The following UGGT2 variants were observed in gnomAD, a reference collection of about 807,000 sequenced individuals.
The protein encoded by UGGT2 is UDP-glucose glycoprotein glucosyltransferase 2.
A neutral mutation model predicts 192.1 loss-of-function variants in UGGT2; 180 were observed. The ratio of observed to expected loss-of-function variants is 0.94; its 90% CI spans 0.83 to 1.06. The LOEUF (loss-of-function observed/expected upper bound fraction) is 1.06. Among genes scored for constraint, UGGT2 ranks in the 50% least tolerant of loss-of-function variants. The pLI is 0.00. For synonymous variants in UGGT2, 580 were observed against 591.0 expected (o/e 0.98, Z 0.27); for missense variants, 1,849 against 1,795.7 (o/e 1.03, Z -0.54).
intron 38 of UGGT2, among the ~76,000 whole-genome samples, chr13:95,807,030 T>C (rs566276610): frequency 2.0e-5 from 3 of 152,248 alleles, no homozygotes; most frequent in East Asian, 1.9e-4. Context: ...CCTGCACAGT[T>C]GAAAATCCAC....
chr13:95,941,545 G>A (rs2049680122), intron 15 of UGGT2, among the ~76,000 whole-genome samples: 1 of 152,058 alleles, frequency 6.6e-6, no homozygotes, highest in Non-Finnish European at 1.5e-5. Flanking sequence ...TCACAAAAAT[G>A]AGACTCTGAA....
At chr13:95,822,143 T>G (rs1287083666) in intron 38 of UGGT2, among the ~76,000 whole-genome samples, 1 of 152,182 alleles carries the variant, frequency 6.6e-6, no homozygotes, top group Non-Finnish European at 1.5e-5. Flanking sequence ...ATCTGTAGGT[T>G]GCATTGGGCA....
chr13:95,882,044 T>G (rs1177471417), intron 27 of UGGT2, among the ~76,000 whole-genome samples: 2 of 151,896 alleles, frequency 1.3e-5, no homozygotes, highest in Non-Finnish European at 2.9e-5. Context: ...GAGTAGCTGG[T>G]ATTACAGGCA....
intron 29 of UGGT2, among the ~76,000 whole-genome samples, chr13:95,869,251 T>A (rs1462182771): frequency 6.6e-6 from 1 of 152,030 alleles, no homozygotes; most frequent in South Asian, 2.1e-4. Context: ...TATTCCATGG[T>A]GTATATGTGC....
At chr13:95,888,995 A>AT (rs926485551) in intron 25 of UGGT2, among the ~76,000 whole-genome samples, 1 of 151,704 alleles carries the variant, frequency 6.6e-6, no homozygotes. Context: ...TTTATTTTTT[A>AT]TTTTTTTAGA....
intron 4 of UGGT2, among the ~76,000 whole-genome samples, chr13:96,020,939 A>G (rs2052495974): frequency 6.6e-6 from 1 of 152,244 alleles, no homozygotes; most frequent in African/African-American, 2.4e-5. Flanking sequence ...TTTACTGCTC[A>G]TGACATAGAG....
chr13:96,031,049 T>C (rs2052818065), intron 2 of UGGT2, among the ~76,000 whole-genome samples: 2 of 152,136 alleles, frequency 1.3e-5, no homozygotes, highest in South Asian at 4.2e-4. Flanking sequence ...CTATGGACCT[T>C]GCGTATTAAG....
intron 1 of UGGT2, among the ~76,000 whole-genome samples, chr13:96,037,462 G>A (rs1369043428): frequency 6.6e-6 from 1 of 152,226 alleles, no homozygotes; most frequent in Non-Finnish European, 1.5e-5. Flanking sequence ...CTCCCCAAGT[G>A]CTGGGACTAC....
At chr13:95,907,190 G>GCTGA in intron 20 of UGGT2, among the ~76,000 whole-genome samples, 1 of 152,244 alleles carries the variant, frequency 6.6e-6, no homozygotes, top group Non-Finnish European at 1.5e-5. Flanking sequence ...CTGCAAGCTG[G>GCTGA]CAGCCTGGCT....
intron 4 of UGGT2, among the ~76,000 whole-genome samples, chr13:96,021,173 C>A (rs1215972973): frequency 6.6e-6 from 1 of 152,152 alleles, no homozygotes; most frequent in African/African-American, 2.4e-5. Context: ...CAAACACAAC[C>A]CTGAGAAATG....
intron 29 of UGGT2, among the ~76,000 whole-genome samples, chr13:95,869,427 G>A (rs2140125077): frequency 1.3e-5 from 2 of 151,976 alleles, no homozygotes; most frequent in South Asian, 4.2e-4. Flanking sequence ...TGGGTCAAAC[G>A]GTATTTCTAG....
intron 4 of UGGT2, among the ~76,000 whole-genome samples, chr13:96,020,160 C>T (rs1452282364): frequency 6.6e-6 from 1 of 152,138 alleles, no homozygotes; most frequent in Non-Finnish European, 1.5e-5. Flanking sequence ...TTTTACCTTG[C>T]GAGACACTGA....
intron 20 of UGGT2, among the ~76,000 whole-genome samples, chr13:95,903,726 C>T (rs2048182457): frequency 6.6e-6 from 1 of 152,118 alleles, no homozygotes; most frequent in African/African-American, 2.4e-5. Flanking sequence ...TGTTGCTGGA[C>T]ATCTGAGTTT....
chr13:95,935,658 T>C (rs904519634), intron 17 of UGGT2, among the ~76,000 whole-genome samples: 2 of 152,178 alleles, frequency 1.3e-5, no homozygotes, highest in Non-Finnish European at 2.9e-5. Context: ...GAATTTCTTG[T>C]AACTGAACGT....
intron 6 of UGGT2, among the ~76,000 whole-genome samples, chr13:95,998,724 A>T (rs2051703225): frequency 6.6e-6 from 1 of 152,182 alleles, no homozygotes; most frequent in African/African-American, 2.4e-5. Context: ...GTAGATCACA[A>T]ATCTAATGAA....
In UGGT2 at chr13:95,944,848, A is replaced by G. The variant is rs558308546; in HGVS notation, c.1677+2189T>C. On this transcript the variant is annotated intron_variant, in intron 15 of 38. Transcript: ENST00000376747. Reference sequence around the variant, plus strand: ...CTTAAGTGTATTGTTAAAATCTTATATATTTTTACTGATTTTTAATCTGCT... The same window carrying G: ...CTTAAGTGTATTGTTAAAATCTTATGTATTTTTACTGATTTTTAATCTGCT... 1.3e-3 allele frequency among the ~76,000 whole-genome samples: 195 copies of G among 152,096 alleles called. 7 individuals are homozygous for G. The South Asian group carries it at 0.039, about 30-fold the overall frequency.
At chr13:95,901,018 T>C (rs1387341004) in intron 21 of UGGT2, 80 bp from the exon 22 acceptor site, 1 of 1,017,188 alleles carries the variant, frequency 9.8e-7, no homozygotes, top group Non-Finnish European at 1.3e-6. Flanking sequence ...AAACTAATAT[T>C]AGTATAAAAT....
chr13:95,985,591 G>A (rs144079774), intron 9 of UGGT2, among the ~76,000 whole-genome samples: 33 of 152,222 alleles, frequency 2.2e-4, no homozygotes, highest in African/African-American at 7.7e-4. Context: ...AAACACCATT[G>A]TTGCCCATGC....
chr13:95,897,208 T>C (rs1402707957), intron 22 of UGGT2, among the ~76,000 whole-genome samples: 1 of 152,012 alleles, frequency 6.6e-6, no homozygotes, highest in Non-Finnish European at 1.5e-5. Context: ...AGACAGATTA[T>C]TATCATTCTC....
Sources: gnomAD v4.1 joint callset for allele counts (sites outside exome capture counted in the v4.1 genomes callset) on GRCh38, gnomAD v4.1.1 for gene constraint, MANE v1.5 for transcripts, NCBI Gene and HGNC (gene_info 2026-07-23, HGNC 2026-07-21) for gene names.